BRMS1L: variants seen among roughly 807,000 people sequenced by gnomAD.
BRMS1L encodes breast cancer metastasis-suppressor 1-like protein.
Under a neutral mutation model 50.3 loss-of-function variants are expected in BRMS1L, and 23 were observed. That is an observed-to-expected ratio of 0.46 (90% CI 0.33 to 0.65). The LOEUF (loss-of-function observed/expected upper bound fraction) is 0.65. Ranked by LOEUF, BRMS1L falls within the 30% of genes least tolerant of loss-of-function variation. The probability of loss-of-function intolerance (pLI) is 0.02; values close to 1 mark genes in which losing one functional copy is unlikely to be tolerated. For missense variants in BRMS1L, 286 were observed against 386.1 expected, an observed-to-expected ratio of 0.74 and a Z score of 2.17; for synonymous variants, 114 against 126.9, an observed-to-expected ratio of 0.90 and a Z score of 0.69.
At chr14:35,844,802 CT>C (rs2078112530) in intron 4 of BRMS1L, among the ~76,000 whole-genome samples, 1 of 152,170 alleles carries the variant, frequency 6.6e-6, no homozygotes, top group Non-Finnish European at 1.5e-5. Flanking sequence ...TTATTTTTTG[CT>C]GCTATATCAA....
intron 4 of BRMS1L, among the ~76,000 whole-genome samples, chr14:35,857,002 A>C (rs2078288998): frequency 1.3e-5 from 2 of 152,000 alleles, no homozygotes; most frequent in South Asian, 4.1e-4. Context: ...GCACTTTGGG[A>C]GGCCAAGGCG....
chr14:35,841,998 C>CTTTTTTTTTTTTT (rs574267347), intron 4 of BRMS1L, among the ~76,000 whole-genome samples: 2 of 112,236 alleles, frequency 1.8e-5, no homozygotes, highest in African/African-American at 7.1e-5. Flanking sequence ...GCAATCTCTG[C>CTTTTTTTTTTTTT]TTTTTTTTTT....
chr14:35,838,261 T>A (rs1020492261), intron 4 of BRMS1L, among the ~76,000 whole-genome samples: 1 of 152,228 alleles, frequency 6.6e-6, no homozygotes, highest in African/African-American at 2.4e-5. Context: ...ATTTTCTTTA[T>A]CCAGTCTTTC....
At chr14:35,843,681 C>T (rs1595666072) in intron 4 of BRMS1L, among the ~76,000 whole-genome samples, 1 of 152,376 alleles carries the variant, frequency 6.6e-6, no homozygotes, top group East Asian at 1.9e-4. Flanking sequence ...CTTGAGGAGG[C>T]AGTCTGTCCC....
chr14:35,826,697 C>T (rs1210329142), intron 1 of BRMS1L, 39 bp downstream of exon 1: 4 of 1,599,616 alleles, frequency 2.5e-6, no homozygotes, highest in Non-Finnish European at 3.4e-6. Flanking sequence ...TCCCCGCGCC[C>T]AGCGCGCGAC....
chr14:35,859,067 G>C (rs4982316), intron 4 of BRMS1L, among the ~76,000 whole-genome samples: 17,319 of 151,280 alleles, frequency 0.11, 1,073 homozygotes, highest in South Asian at 0.15. Context: ...TCAGCCTGCC[G>C]AGTAGCTGGG....
Position 35,870,613 on chromosome 14 carries a change from A to T in BRMS1L, c.*136A>T. The stretch of plus-strand genomic sequence containing the variant: ...AATGTGTATTTGTAGGTAGTACTCT[A>T]AATAGATCTCATTGATATGTTATTA... On this transcript the variant is annotated 3_prime_UTR_variant, in exon 10 of 10. Transcript: ENST00000216807. 2 of 528,374 alleles carry T rather than the reference A, an allele frequency of 3.8e-6. No homozygotes were observed. The highest frequency in any genetic ancestry group is 6.9e-6 in the Non-Finnish European group (2 of 290,016). The allele number at this position is 528,374 out of a possible 1,614,324, so 32.7% of individuals were successfully genotyped here.
At chr14:35,849,981 G>A (rs999389652) in intron 4 of BRMS1L, among the ~76,000 whole-genome samples, 7 of 151,634 alleles carry the variant, frequency 4.6e-5, no homozygotes, top group African/African-American at 1.7e-4. Flanking sequence ...CACCAGGCCT[G>A]GCTAATATTT....
intron 1 of BRMS1L, 27 bp downstream of exon 1, chr14:35,826,685 A>G: frequency 6.2e-7 from 1 of 1,605,524 alleles, no homozygotes; most frequent in Non-Finnish European, 8.5e-7. Context: ...TGGGACCCTG[A>G]GTCCCCGCGC....
intron 5 of BRMS1L, 30 bp from the exon 6 acceptor site, chr14:35,863,840 A>G (rs1394479652): frequency 6.3e-7 from 1 of 1,589,872 alleles, no homozygotes; most frequent in Non-Finnish European, 8.6e-7. Flanking sequence ...CCAGAAACCC[A>G]CTAATACTTA....
At position 35,870,385 on chromosome 14, in the gene BRMS1L, G is replaced by T; in HGVS notation, c.880G>T (p.Asp294Tyr). 1 of 1,600,688 alleles carries T rather than the reference G, an allele frequency of 6.2e-7. No homozygotes were observed. The highest frequency in any genetic ancestry group is 8.5e-7 in the Non-Finnish European group (1 of 1,172,242). Residue 294 changes from aspartate to tyrosine, a missense_variant, in exon 10 of 10, where the codon GAT becomes TAT. Transcript: ENST00000216807. ...TSAVITTINHDEVWFKRPDGS... is the reference protein window; with the variant it reads ...TSAVITTINHYEVWFKRPDGS... ...TGCTGTAATTACAACAATTAACCAT[G>T]ATGAAGTTTGGTTTAAGAGGCCTGA...
chr14:35,856,241 G>A (rs141808065), intron 4 of BRMS1L, among the ~76,000 whole-genome samples: 1 of 152,288 alleles, frequency 6.6e-6, no homozygotes, highest in African/African-American at 2.4e-5. Context: ...CAGATGGTTT[G>A]TATCAAATTA....
intron 4 of BRMS1L, among the ~76,000 whole-genome samples, chr14:35,843,410 G>A (rs1328911812): frequency 6.6e-6 from 1 of 152,262 alleles, no homozygotes; most frequent in East Asian, 1.9e-4. Flanking sequence ...CTTTCTGTTC[G>A]TTAGTTTTCC....
chr14:35,855,913 A>G (rs1005953683), intron 4 of BRMS1L, among the ~76,000 whole-genome samples: 1 of 152,236 alleles, frequency 6.6e-6, no homozygotes, highest in African/African-American at 2.4e-5. Context: ...TAATTTGCTC[A>G]GGGTCACACA....
At chr14:35,834,242 A>G (rs1382595284) in intron 3 of BRMS1L, among the ~76,000 whole-genome samples, 1 of 152,146 alleles carries the variant, frequency 6.6e-6, no homozygotes, top group Non-Finnish European at 1.5e-5. Flanking sequence ...ACATATTTGC[A>G]TGGCCATGTT....
At chr14:35,830,289 G>C (rs986118505) in intron 1 of BRMS1L, among the ~76,000 whole-genome samples, 1 of 151,622 alleles carries the variant, frequency 6.6e-6, no homozygotes, top group East Asian at 1.9e-4. Flanking sequence ...GGCTGGTCTC[G>C]AACTCCTGAC....
chr14:35,862,748 T>A (rs774050562), intron 5 of BRMS1L, 62 bp downstream of exon 5: 11 of 1,059,072 alleles, frequency 1.0e-5, no homozygotes, highest in Non-Finnish European at 1.4e-5. Context: ...TACTGTAGTG[T>A]CATATCGTAT....
intron 1 of BRMS1L, among the ~76,000 whole-genome samples, chr14:35,830,919 T>C (rs2077911638): frequency 6.6e-6 from 1 of 151,990 alleles, no homozygotes; most frequent in Non-Finnish European, 1.5e-5. Flanking sequence ...CTCATCTGTA[T>C]TTTAGATTAA....
intron 4 of BRMS1L, among the ~76,000 whole-genome samples, chr14:35,850,886 C>A (rs971796516): frequency 3.3e-5 from 5 of 152,006 alleles, no homozygotes; most frequent in Non-Finnish European, 5.9e-5. Context: ...AAAAGTTGTC[C>A]CCCAAAACGT....
Sources: allele counts gnomAD v4.1 joint callset (sites outside exome capture counted in the v4.1 genomes callset), GRCh38; gene constraint gnomAD v4.1.1; transcripts MANE v1.5; gene names NCBI Gene and HGNC (gene_info 2026-07-23, HGNC 2026-07-21).